Variants in PRH1 observed in about 807,000 individuals in gnomAD.
The protein encoded by PRH1 is proline rich protein HaeIII subfamily 1.
A neutral mutation model predicts 7.9 loss-of-function variants in PRH1; 7 were observed. The observed-to-expected ratio is 0.89, with a 90% CI of 0.50 to 1.67. The LOEUF (loss-of-function observed/expected upper bound fraction) is 1.67, where lower values mean the gene tolerates loss of function less well. PRH1 is among the 40% of genes most tolerant of loss of function. The pLI, the probability that PRH1 is intolerant of heterozygous loss-of-function variation, is 0.00. For synonymous variants in PRH1, 45 were observed against 80.8 expected, an observed-to-expected ratio of 0.56 and a Z score of 2.38; for missense variants, 109 against 223.6, an observed-to-expected ratio of 0.49 and a Z score of 3.27.
rs140037859 is a variant in PRH1 at position 10,957,062 on chromosome 12, A to C, written c.-59+16593T>G. Among the ~76,000 whole-genome samples the C allele has an allele frequency of 1.9e-3, 290 of 151,488 alleles. 1 individual carries two copies. Among genetic ancestry groups the C allele is most frequent in the Admixed American group, 3.6e-3 (55 of 15,204 alleles). On this transcript the variant is annotated intron_variant, in intron 2 of 3. Transcript: ENST00000539853. Reference sequence around the variant, plus strand: ...TTCTTCACAAAATTAGAAACAAACTATTTTAAAATTCACTGGGAATGAAAA... The same window carrying C: ...TTCTTCACAAAATTAGAAACAAACTCTTTTAAAATTCACTGGGAATGAAAA...
At chr12:11,137,836 G>A (rs975664298) in intron 1 of PRH1, among the ~76,000 whole-genome samples, 11 of 152,018 alleles carry the variant, frequency 7.2e-5, no homozygotes, top group Non-Finnish European at 1.5e-4. Context: ...AGATAGATGT[G>A]GATATAGATA....
Position 11,094,173 on chromosome 12 carries a change from G to C in PRH1, n.124-46985C>G, listed in dbSNP as rs571762654. On this transcript the variant is annotated intron_variant and non_coding_transcript_variant, in intron 1 of 4. Transcript: ENST00000541977. ...AAAAATTAGCAGGGCATGGTGGTGT[G>C]GGCCTGTAGCCCCAGCTACTCAGGA... 1.4e-3 allele frequency among the ~76,000 whole-genome samples: 151 copies of C among 111,548 alleles called. 33 individuals carry two copies. The highest frequency in any genetic ancestry group is 4.5e-3 in the African/African-American group (148 of 33,072). 73.2% of individuals were successfully genotyped at this position (111,548 alleles called of 152,430 possible).
intron 1 of PRH1, among the ~76,000 whole-genome samples, chr12:11,006,632 T>A (rs552742454): frequency 1.3e-5 from 2 of 152,198 alleles, no homozygotes; most frequent in East Asian, 3.9e-4. Context: ...AATTTTAACA[T>A]GTCTGAAGAG....
chr12:11,112,386 T>C (rs1945614916), intron 1 of PRH1, among the ~76,000 whole-genome samples: 1 of 152,116 alleles, frequency 6.6e-6, no homozygotes, highest in Non-Finnish European at 1.5e-5. Context: ...TTGATGAACA[T>C]CGATGCGAAA....
chr12:11,026,036 GT>G (rs902876297), intron 1 of PRH1, among the ~76,000 whole-genome samples: 7 of 88,022 alleles, frequency 8.0e-5, no homozygotes, highest in East Asian at 4.2e-4. Flanking sequence ...ACTTATACTT[GT>G]TTTTTTTTCT....
chr12:10,965,080 G>C (rs184669470), intron 2 of PRH1: 112 of 1,200,860 alleles, frequency 9.3e-5, no homozygotes, highest in Non-Finnish European at 1.3e-4. Context: ...TGAAATGGTT[G>C]GTTACAGCCC....
chr12:11,010,709 CTGA>C (rs1211072051), intron 1 of PRH1, among the ~76,000 whole-genome samples: 1 of 151,726 alleles, frequency 6.6e-6, no homozygotes, highest in Admixed American at 6.6e-5. Context: ...AAATTTTACA[CTGA>C]TATTTACATA....
At chr12:10,899,057 T>C (rs4763590) in intron 2 of PRH1, among the ~76,000 whole-genome samples, 75,391 of 152,076 alleles carry the variant, frequency 0.5, 20,927 homozygotes, top group East Asian at 0.72. Flanking sequence ...TGCCTACTGC[T>C]CCTCTCTTGT....
At chr12:11,014,455 C>G (rs748015763) in intron 1 of PRH1, among the ~76,000 whole-genome samples, 1 of 151,880 alleles carries the variant, frequency 6.6e-6, no homozygotes, top group Non-Finnish European at 1.5e-5. Flanking sequence ...AATCAATGAA[C>G]TGATGACAGC....
chr12:10,981,419 G>C (rs890588196), intron 1 of PRH1, among the ~76,000 whole-genome samples: 1 of 138,618 alleles, frequency 7.2e-6, no homozygotes, highest in Admixed American at 8.0e-5. Flanking sequence ...TGTCGCCCAG[G>C]CTGGAGTTCA....
chr12:10,945,362 T>G (rs370519400), intron 2 of PRH1, among the ~76,000 whole-genome samples: 3 of 152,058 alleles, frequency 2.0e-5, no homozygotes, highest in East Asian at 3.9e-4. Context: ...GTCTGAGAAA[T>G]AAAAAGACAG....
intron 2 of PRH1, among the ~76,000 whole-genome samples, chr12:10,918,173 G>T (rs1459467338): frequency 6.6e-6 from 1 of 152,112 alleles, no homozygotes; most frequent in Non-Finnish European, 1.5e-5. Context: ...TGAACAATGA[G>T]ATCACATGGA....
chr12:11,024,671 T>C (rs1418255498), intron 1 of PRH1, among the ~76,000 whole-genome samples: 2 of 152,086 alleles, frequency 1.3e-5, no homozygotes. Flanking sequence ...TTTACTGTAA[T>C]TATTTATCCA....
chr12:11,168,672 G>A (rs966149352), intron 1 of PRH1, among the ~76,000 whole-genome samples: 1 of 152,070 alleles, frequency 6.6e-6, no homozygotes, highest in African/African-American at 2.4e-5. Context: ...CCTACTATCT[G>A]GAAAAGCATC....
chr12:10,981,574 C>A (rs1279486537), intron 1 of PRH1, among the ~76,000 whole-genome samples: 1 of 151,962 alleles, frequency 6.6e-6, no homozygotes, highest in Non-Finnish European at 1.5e-5. Flanking sequence ...GGGGTTTCAC[C>A]ATGTTGGCCA....
At chr12:11,040,766 T>C (rs1036701094) in intron 1 of PRH1, among the ~76,000 whole-genome samples, 9 of 152,162 alleles carry the variant, frequency 5.9e-5, no homozygotes, top group South Asian at 2.1e-4. Context: ...AAGATATTAA[T>C]AGTGAAAACA....
intron 2 of PRH1, chr12:10,929,396 T>C (rs2135863482): frequency 1.2e-6 from 2 of 1,601,342 alleles, no homozygotes; most frequent in Non-Finnish European, 1.7e-6. Context: ...GCGAATGCTA[T>C]AGAGGGGGAA....
At chr12:11,170,264 A>T (rs1947782388) in intron 1 of PRH1, among the ~76,000 whole-genome samples, 1 of 152,236 alleles carries the variant, frequency 6.6e-6, no homozygotes, top group Admixed American at 6.5e-5. Flanking sequence ...TTGGAAGTAC[A>T]GGCCGGGCGC....
In PRH1 at chr12:10,964,714, G is replaced by C. The variant is rs867902822; in HGVS notation, c.-59+8941C>G. ...TGGTGTTGGAATCTGGAGATCCTTT[G>C]CCATGGAACTGCATCTTCTTGAGAT... On this transcript the variant is annotated intron_variant, in intron 2 of 3. Transcript: ENST00000539853. The C allele has an allele frequency of 7.8e-5, 51 of 658,014 alleles. No individual in the cohort carries two copies. The Middle Eastern group carries it at 8.5e-4, about 11-fold the overall frequency. The allele number at this position is 658,014 out of a possible 1,614,324, so 40.8% of individuals were successfully genotyped here. A position where few individuals can be genotyped will look rare whatever the true frequency, so the allele number is the denominator to read the frequency against.
Sources: gnomAD v4.1 joint callset for allele counts (sites outside exome capture counted in the v4.1 genomes callset) on GRCh38, gnomAD v4.1.1 for gene constraint, MANE v1.5 for transcripts, NCBI Gene and HGNC (gene_info 2026-07-23, HGNC 2026-07-21) for gene names.